SFRP4: variants seen among roughly 807,000 people sequenced by gnomAD.
SFRP4 encodes secreted frizzled-related protein 4.
SFRP4 carries 25 observed loss-of-function variants against 36.3 expected under a neutral mutation model. That is an observed-to-expected ratio of 0.69 (90% CI 0.50 to 0.96). The LOEUF (loss-of-function observed/expected upper bound fraction) is 0.96, where lower values mean the gene tolerates loss of function less well. SFRP4 is among the 40% of genes least tolerant of loss of function. The probability of loss-of-function intolerance (pLI) is 0.00; values close to 1 mark genes in which losing one functional copy is unlikely to be tolerated. For missense variants in SFRP4, 487 were observed against 459.6 expected (o/e 1.06, Z -0.54); for synonymous variants, 182 against 168.8 (o/e 1.08, Z -0.60).
chr7:37,907,604 C>A lies in SFRP4; in HGVS notation c.916G>T (p.Gly306Trp), dbSNP rs762703116. Residue 306 changes from glycine (G) to tryptophan (W), a missense_variant, in exon 6 of 6, where the codon GGG (glycine) becomes TGG (tryptophan). Gly to Trp is a radical substitution (Grantham distance 184, BLOSUM62 -2). Coordinates refer to ENST00000436072, the MANE Select transcript of SFRP4 (RefSeq NM_003014.4). Reference protein sequence around the residue: ...RTVQDKKKTAGRTSRSNPPKP... With the variant: ...RTVQDKKKTAWRTSRSNPPKP... ...GGGGGATTACTACGACTGGTGCGCC[C>A]GGCTGTTTTCTTCTTGTCCTGAACT... is the stretch of plus-strand genomic sequence containing the variant. The A allele has an allele frequency of 1.2e-6, 2 of 1,613,716 alleles. No individual in the cohort carries two copies.
At chr7:37,914,306 T>C (rs199739460) in intron 2 of SFRP4, 28 bp from the exon 3 acceptor site, 4 of 1,613,618 alleles carry the variant, frequency 2.5e-6, no homozygotes, top group African/African-American at 2.7e-5. Flanking sequence ...GGCAGAAAGT[T>C]GGAAAAAGAA....
chr7:37,910,437 A>G (rs1785465107), intron 4 of SFRP4, among the ~76,000 whole-genome samples: 1 of 151,918 alleles, frequency 6.6e-6, no homozygotes, highest in Non-Finnish European at 1.5e-5. Flanking sequence ...ATTTTTTCAT[A>G]TCTTTTCAAG....
At chr7:37,908,600 G>C (rs2060710) in intron 5 of SFRP4, among the ~76,000 whole-genome samples, 150,646 of 152,356 alleles carry the variant, frequency 0.99, 74,499 homozygotes, top group East Asian at 1. Context: ...ATGGTCCCCA[G>C]AGCTATGATT....
chr7:37,909,572 A>G (rs767461457), intron 5 of SFRP4, 45 bp downstream of exon 5: 14 of 1,082,838 alleles, frequency 1.3e-5, no homozygotes, highest in Non-Finnish European at 1.9e-5. Context: ...GAAATCTGTT[A>G]TGTGCACTTA....
intron 5 of SFRP4, 51 bp from the exon 6 acceptor site, chr7:37,907,715 G>C (rs775399898): frequency 7.2e-7 from 1 of 1,388,230 alleles, no homozygotes; most frequent in South Asian, 1.3e-5. Context: ...CCCCTTTATG[G>C]TGCTCAGCTA....
rs1785419360 is a variant in SFRP4 at position 37,907,665 on chromosome 7, C to G, written c.856-1G>C. ...GTTCCTGCAGCCTCTCTTCCCACTG[C>G]TGAAAAGCAATTTGTAAACATGACT... On this transcript the variant is annotated splice_acceptor_variant, in intron 5 of 5. Transcript: ENST00000436072. LOFTEE classifies it high-confidence loss of function. The G allele has an allele frequency of 6.2e-7, 1 of 1,601,948 alleles. No homozygotes were observed. Among genetic ancestry groups the G allele is most frequent in the Non-Finnish European group, 8.5e-7 (1 of 1,174,652 alleles).
At position 37,916,075 on chromosome 7, in the gene SFRP4, T is replaced by A. The variant is rs1404640911; in HGVS notation, c.445+18A>T. On this transcript the variant is annotated intron_variant, in intron 1 of 5. Transcript: ENST00000436072. The surrounding 1 kb of genome is among the most constrained non-coding windows in gnomAD (Gnocchi z 4.1). ...CCGGGCGCCTCCTCGCCTCCCTCCATCCTTCCTACGGCCTCACCCTCCGGG... is the reference window on the plus strand; with the variant it reads ...CCGGGCGCCTCCTCGCCTCCCTCCAACCTTCCTACGGCCTCACCCTCCGGG... The A allele has an allele frequency of 6.2e-7, 1 of 1,600,134 alleles. No homozygotes were observed. The highest frequency in any genetic ancestry group is 8.5e-7 in the Non-Finnish European group (1 of 1,170,082).
At position 37,907,383 on chromosome 7, in the gene SFRP4, G is replaced by T; in HGVS notation, c.*96C>A. On this transcript the variant is annotated 3_prime_UTR_variant, in exon 6 of 6. Coordinates refer to ENST00000436072, the MANE Select transcript of SFRP4 (RefSeq NM_003014.4). ...GAAGAGCACTGCAGTGAGTTGTTAG[G>T]GCAAGGGGCACATGGCCTTACATAG... 1 of 1,020,062 alleles carries T rather than the reference G, an allele frequency of 9.8e-7. No homozygotes were observed. The highest frequency in any genetic ancestry group is 1.6e-5 in the South Asian group (1 of 61,756). 63.2% of individuals were successfully genotyped at this position (1,020,062 alleles called of 1,614,324 possible).
chr7:37,916,531 G>T lies in SFRP4; in HGVS notation c.7C>A (p.Leu3Ile). 1 of 1,607,118 alleles carries T rather than the reference G, an allele frequency of 6.2e-7. No homozygotes were observed. Residue 3 changes from leucine (L) to isoleucine (I), a missense_variant, in exon 1 of 6, where the codon CTC becomes ATC. Transcript: ENST00000436072. The surrounding 1 kb of genome is among the most constrained non-coding windows in gnomAD (Gnocchi z 4.1). Reference protein sequence around the residue: MFLSILVALCLWL... With the variant: MFISILVALCLWL... ...AGGCACAGCGCCACTAGGATGGAGA[G>T]GAACATGGCACTGCCCTCTCGCGCT...
chr7:37,915,966 C>T, intron 1 of SFRP4, 127 bp downstream of exon 1: 1 of 1,367,984 alleles, frequency 7.3e-7, no homozygotes, highest in Non-Finnish European at 9.7e-7. Context: ...ATGTTTCCCC[C>T]ATTCTTTCCC....
chr7:37,907,600 C>T lies in SFRP4; in HGVS notation c.920G>A (p.Arg307His), dbSNP rs769681617. The change falls in exon 6 of 6, where the codon CGC becomes CAC. Residue 307 changes from arginine to histidine, a missense_variant. Physicochemically the swap from Arg to His is conservative, Grantham distance 29. Coordinates refer to ENST00000436072, the MANE Select transcript of SFRP4 (RefSeq NM_003014.4). ...TTTGGGGGGATTACTACGACTGGTGCGCCCGGCTGTTTTCTTCTTGTCCTG... is the reference window on the plus strand; with the variant it reads ...TTTGGGGGGATTACTACGACTGGTGTGCCCGGCTGTTTTCTTCTTGTCCTG... ...TVQDKKKTAGRTSRSNPPKPK... is the reference protein window; with the variant it reads ...TVQDKKKTAGHTSRSNPPKPK... The T allele has an allele frequency of 5.0e-6, 8 of 1,613,638 alleles. No homozygotes were observed. The African/African-American group carries it at 5.3e-5, about 11-fold the overall frequency.
intron 3 of SFRP4, among the ~76,000 whole-genome samples, chr7:37,912,560 A>C (rs1785512348): frequency 6.6e-6 from 1 of 152,230 alleles, no homozygotes; most frequent in Non-Finnish European, 1.5e-5. Context: ...CAAGCTGAAA[A>C]GCAGGTTTTA....
rs555863176 is a variant in SFRP4 at position 37,916,455 on chromosome 7, C to A, written c.83G>T (p.Arg28Leu). The change falls in exon 1 of 6, where the codon CGC (arginine) becomes CTC (leucine). Residue 28 changes from arginine (R) to leucine (L), a missense_variant. By Grantham distance (102) the Arg-to-Leu change is moderately radical. Transcript: ENST00000436072. This position sits in a 1 kb window ranked among gnomAD's most constrained non-coding sequence, Gnocchi z 4.1. ...GVRGAPCEAV[R>L]IPMCRHMPWN... ...GGGCATGTGCCGGCACATAGGGATG[C>A]GCACCGCCTCGCAGGGCGCGCCGCG... is the stretch of plus-strand genomic sequence containing the variant. 37 of 1,613,458 alleles carry A rather than the reference C, an allele frequency of 2.3e-5. No individual in the cohort carries two copies. In the African/African-American group the frequency reaches 2.7e-4, roughly 12 times the overall value.
chr7:37,909,961 G>A (rs986779720), intron 4 of SFRP4: 2 of 215,198 alleles, frequency 9.3e-6, no homozygotes, highest in Non-Finnish European at 1.8e-5. Flanking sequence ...AAAATATAAT[G>A]TTAATAATAT....
At chr7:37,915,962 C>A in intron 1 of SFRP4, 131 bp downstream of exon 1, 1 of 1,344,254 alleles carries the variant, frequency 7.4e-7, no homozygotes, top group Admixed American at 2.8e-5. Flanking sequence ...GAAAATGTTT[C>A]CCCCATTCTT....
At position 37,914,360 on chromosome 7, in the gene SFRP4, A is replaced by T. The variant is rs768946277; in HGVS notation, c.526+13T>A. ...GGAGAAGTAGAGGGAACGTCCATGAAGAAAGAACTCACCGGGGCTTAGGCG... is the reference window on the plus strand; with the variant it reads ...GGAGAAGTAGAGGGAACGTCCATGATGAAAGAACTCACCGGGGCTTAGGCG... On this transcript the variant is annotated intron_variant, in intron 2 of 5. Coordinates refer to ENST00000436072, the MANE Select transcript of SFRP4 (RefSeq NM_003014.4). The T allele has an allele frequency of 6.2e-7, 1 of 1,612,568 alleles. No individual in the cohort carries two copies. Among genetic ancestry groups the T allele is most frequent in the Admixed American group, 1.7e-5 (1 of 60,030 alleles).
Position 37,916,687 on chromosome 7 carries a change from G to GGGCCGCGGGGTCC in SFRP4, c.-163_-151dup. 8.1e-7 allele frequency: 1 copy of GGGCCGCGGGGTCC among 1,232,254 alleles called. No homozygotes were observed. The highest frequency in any genetic ancestry group is 1.1e-6 in the Non-Finnish European group (1 of 910,260). The allele number at this position is 1,232,254 out of a possible 1,614,324, so 76.3% of individuals were successfully genotyped here. ...CCAAACTCCAGTCGGCAGCAAAGCG[G>GGGCCGCGGGGTCC]GGCCGCGGGGTCCGGCCGCGGAGCT... On this transcript the variant is annotated 5_prime_UTR_variant, in exon 1 of 6. Coordinates refer to ENST00000436072, the MANE Select transcript of SFRP4 (RefSeq NM_003014.4). The surrounding 1 kb of genome is among the most constrained non-coding windows in gnomAD (Gnocchi z 4.1).
chr7:37,914,220 G>A lies in SFRP4; in HGVS notation c.585C>T (p.Tyr195=), dbSNP rs770011071. Residue 195 remains tyrosine (Y), a synonymous_variant, in exon 3 of 6, where the codon TAC becomes TAT. Transcript: ENST00000436072. ...PTLATYLSKN[Y]SYVIHAKIKA... ...CTTTAACAGACGACTTACCATAGCT[G>A]TAGTTTTTGCTGAGATACGTTGCCA... 3.1e-6 allele frequency: 5 copies of A among 1,613,292 alleles called. No homozygotes were observed. The highest frequency in any genetic ancestry group is 1.7e-5 in the Admixed American group (1 of 60,020).
rs1785396371 is a variant in SFRP4 at position 37,906,344 on chromosome 7, T to TA, written c.*1134dup. On this transcript the variant is annotated 3_prime_UTR_variant, in exon 6 of 6. Coordinates refer to ENST00000436072, the MANE Select transcript of SFRP4 (RefSeq NM_003014.4). ...GCAAAAGGCCAATAAAATTGTTTTTTAAAATAAATGCCTCCAATTGTCCAC... is the reference window on the plus strand; with the variant it reads ...GCAAAAGGCCAATAAAATTGTTTTTTAAAAATAAATGCCTCCAATTGTCCAC... 1 of 152,178 alleles carries TA rather than the reference T, an allele frequency of 6.6e-6. No homozygotes were observed. Among genetic ancestry groups the TA allele is most frequent in the Non-Finnish European group, 1.5e-5 (1 of 68,006 alleles). 9.4% of individuals were successfully genotyped at this position (152,178 alleles called of 1,614,324 possible).
Sources: allele counts gnomAD v4.1 joint callset (sites outside exome capture counted in the v4.1 genomes callset), GRCh38; gene constraint gnomAD v4.1.1; non-coding constraint Gnocchi (gnomAD v3.1); transcripts MANE v1.5; gene names NCBI Gene and HGNC (gene_info 2026-07-23, HGNC 2026-07-21).